The following NKAIN4 variants were observed in gnomAD, a reference collection of about 807,000 sequenced individuals.
The protein encoded by NKAIN4 is sodium/potassium transporting ATPase interacting 4, also known as sodium/potassium-transporting ATPase subunit beta-1-interacting protein 4.
NKAIN4 carries 28 observed loss-of-function variants against 28.8 expected under a neutral mutation model. That is an observed-to-expected ratio of 0.97 (90% CI 0.72 to 1.33). NKAIN4 has a LOEUF of 1.33. Among genes scored for constraint, NKAIN4 ranks in the 40% most tolerant of loss-of-function variants. The pLI is 0.00. For missense variants in NKAIN4, 289 were observed against 277.2 expected (o/e 1.04, Z -0.30); for synonymous variants, 122 against 115.6 (o/e 1.06, Z -0.36).
intron 2 of NKAIN4, 168 bp from the exon 3 acceptor site, chr20:63,249,063 C>G: frequency 1.6e-6 from 1 of 607,672 alleles, no homozygotes; most frequent in Non-Finnish European, 3.0e-6. Flanking sequence ...TCCCCCAAGC[C>G]CACCCTGGGA....
At position 63,250,025 on chromosome 20, in the gene NKAIN4, C is replaced by G. The variant is rs1227332773; in HGVS notation, c.102G>C (p.Trp34Cys). Residue 34 changes from tryptophan to cysteine, a missense_variant, in exon 2 of 7, where the codon TGG becomes TGC. Coordinates refer to ENST00000370316, the MANE Select transcript of NKAIN4 (RefSeq NM_152864.4). ...RQVFDFLGYQ[W>C]APILANFVHI... ...GGACAAAGTTGGCCAGGATGGGCGC[C>G]CACTGGTAGCCCAGGAAGTCAAACA... 2 of 1,604,552 alleles carry G rather than the reference C, an allele frequency of 1.2e-6. No individual in the cohort carries two copies. Among genetic ancestry groups the G allele is most frequent in the Non-Finnish European group, 1.7e-6 (2 of 1,176,344 alleles).
intron 5 of NKAIN4, among the ~76,000 whole-genome samples, chr20:63,243,066 T>C (rs2066790185): frequency 1.3e-5 from 2 of 152,206 alleles, no homozygotes; most frequent in South Asian, 2.1e-4. Context: ...TGACACTGTG[T>C]CTGCACAGCC....
chr20:63,241,515 A>G lies in NKAIN4; in HGVS notation c.618-9T>C, dbSNP rs1275108738. The G allele has an allele frequency of 6.5e-7, 1 of 1,549,848 alleles. No homozygotes were observed. The highest frequency in any genetic ancestry group is 8.7e-7 in the Non-Finnish European group (1 of 1,146,652). ...TCCTCACTTACGCAGGCCTGTGGGG[A>G]CAAGGTCAGAGAGCACCTGGGGGAA... On this transcript the variant is annotated splice_polypyrimidine_tract_variant and intron_variant, in intron 6 of 6. Coordinates refer to ENST00000370316, the MANE Select transcript of NKAIN4 (RefSeq NM_152864.4).
intron 1 of NKAIN4, chr20:63,254,089 C>T (rs1360668993): frequency 5.0e-6 from 2 of 399,862 alleles, no homozygotes; most frequent in Admixed American, 3.7e-5. Flanking sequence ...GTCCAGGCGG[C>T]CCCGCCCGAA....
rs1392102515 is a variant in NKAIN4 at position 63,246,754 on chromosome 20, T to C, written c.471+824A>G. The C allele has an allele frequency of 4.1e-6, 4 of 985,046 alleles. No homozygotes were observed. In the African/African-American group the frequency reaches 7.0e-5, roughly 17 times the overall value. 61.0% of individuals were successfully genotyped at this position (985,046 alleles called of 1,614,324 possible). On this transcript the variant is annotated intron_variant, in intron 4 of 6. Transcript: ENST00000370316. ...CACATTGGCCCTGCCCCCGGAGCTC[T>C]TGAGGTGAAACGCTGACCGAGCACC...
chr20:63,242,414 T>C (rs902364276), intron 6 of NKAIN4, 125 bp downstream of exon 6: 2 of 740,738 alleles, frequency 2.7e-6, no homozygotes, highest in Admixed American at 1.9e-5. Context: ...AGTGGATGGA[T>C]GGACGGATGG....
At chr20:63,254,706 C>T (rs2067021357), upstream of NKAIN4, 2 of 315,038 alleles carry the variant, frequency 6.3e-6, no homozygotes, top group Admixed American at 5.0e-5. Flanking sequence ...ATGGCGCGGC[C>T]TCTCGGGTAG....
At chr20:63,251,942 C>T (rs2066967551) in intron 1 of NKAIN4, among the ~76,000 whole-genome samples, 1 of 152,162 alleles carries the variant, frequency 6.6e-6, no homozygotes, top group Non-Finnish European at 1.5e-5. Flanking sequence ...CCTGCCGGAG[C>T]CCCGGGGGGA....
chr20:63,254,542 G>GCATCCCGTTC, upstream of NKAIN4: 2 of 861,346 alleles, frequency 2.3e-6, no homozygotes, highest in Non-Finnish European at 3.0e-6. Context: ...CCTGGACCCC[G>GCATCCCGTTC]CCCCCTCCGC....
intron 4 of NKAIN4, 79 bp downstream of exon 4, chr20:63,247,499 C>G: frequency 6.5e-7 from 1 of 1,548,690 alleles, no homozygotes; most frequent in Non-Finnish European, 8.7e-7. Context: ...GGCCCCGCCT[C>G]AGGGAGATGA....
At chr20:63,246,582 C>A in intron 4 of NKAIN4, 1 of 985,414 alleles carries the variant, frequency 1.0e-6, no homozygotes, top group Non-Finnish European at 1.2e-6. Context: ...GCTCCCACCG[C>A]CAGCCGCCGG....
At chr20:63,246,475 G>A in intron 4 of NKAIN4, 1 of 983,228 alleles carries the variant, frequency 1.0e-6, no homozygotes. Context: ...TTTCCTGCAG[G>A]ACCAGAGCAG....
chr20:63,254,505 G>A, upstream of NKAIN4: 1 of 1,157,924 alleles, frequency 8.6e-7, no homozygotes, highest in Non-Finnish European at 1.1e-6. Context: ...CCCCGCCCCC[G>A]CTCCGCCCGC....
intron 1 of NKAIN4, chr20:63,254,053 C>T: frequency 3.4e-6 from 1 of 290,886 alleles, no homozygotes; most frequent in Non-Finnish European, 6.6e-6. Context: ...GCACCCGGGG[C>T]CACACACGCC....
At position 63,245,533 on chromosome 20, in the gene NKAIN4, C is replaced by T. The variant is rs1398375079; in HGVS notation, c.472-1449G>A. Among the ~76,000 whole-genome samples the T allele has an allele frequency of 6.6e-6, 1 of 152,082 alleles. No homozygotes were observed. Among genetic ancestry groups the T allele is most frequent in the Admixed American group, 6.5e-5 (1 of 15,278 alleles). On this transcript the variant is annotated intron_variant, in intron 4 of 6. Coordinates refer to ENST00000370316, the MANE Select transcript of NKAIN4 (RefSeq NM_152864.4). The surrounding 1 kb of genome is among the most constrained non-coding windows in gnomAD (Gnocchi z 4.7). ...CGCCTCCTGCCCATCCTCCTGGCTC[C>T]AGCCCCAGGTCCACCCCAAAGCTCT...
chr20:63,249,421 A>G (rs1210250397), intron 2 of NKAIN4, among the ~76,000 whole-genome samples: 2 of 152,240 alleles, frequency 1.3e-5, no homozygotes, highest in African/African-American at 2.4e-5. Flanking sequence ...TGCCCTTTAC[A>G]GGAAAAGTCA....
At chr20:63,246,838 A>G in intron 4 of NKAIN4, 1 of 985,426 alleles carries the variant, frequency 1.0e-6, no homozygotes, top group Non-Finnish European at 1.2e-6. Context: ...AGGCACTGAC[A>G]CCATCTGCAT....
intron 1 of NKAIN4, chr20:63,253,279 C>A (rs867278667): frequency 5.1e-6 from 5 of 985,290 alleles, no homozygotes; most frequent in Non-Finnish European, 6.0e-6. Context: ...TGTTGCAGGA[C>A]CTCAGGTTAT....
Position 63,252,568 on chromosome 20 carries a change from G to T in NKAIN4, c.54+1829C>A, listed in dbSNP as rs368274495. Among the ~76,000 whole-genome samples the T allele has an allele frequency of 1.3e-5, 2 of 152,154 alleles. No individual in the cohort carries two copies. The highest frequency in any genetic ancestry group is 2.1e-4 in the South Asian group (1 of 4,830). ...AAGGACTCTTCTTCCCCAAGGCAGA[G>T]GAGGCACAGTGGGCTGCCAGATTGC... On this transcript the variant is annotated intron_variant, in intron 1 of 6. Transcript: ENST00000370316. The surrounding 1 kb of genome is among the most constrained non-coding windows in gnomAD (Gnocchi z 4.6).
Sources: gnomAD v4.1 joint callset for allele counts (sites outside exome capture counted in the v4.1 genomes callset) on GRCh38, gnomAD v4.1.1 for gene constraint, Gnocchi (gnomAD v3.1) non-coding constraint, MANE v1.5 for transcripts, NCBI Gene and HGNC (gene_info 2026-07-23, HGNC 2026-07-21) for gene names.